The following USP13 variants were observed in gnomAD, a reference collection of about 807,000 sequenced individuals.
The protein encoded by USP13 is ubiquitin specific peptidase 13, also known as ubiquitin carboxyl-terminal hydrolase 13.
In USP13, 68 loss-of-function variants were observed where a neutral mutation model predicts 107.8. That is an observed-to-expected ratio of 0.63 (90% CI 0.52 to 0.77). The LOEUF (loss-of-function observed/expected upper bound fraction) is 0.77. Among genes scored for constraint, USP13 ranks in the 30% least tolerant of loss-of-function variants. The pLI is 0.00. For synonymous variants in USP13, 377 were observed against 389.5 expected, an observed-to-expected ratio of 0.97 and a Z score of 0.38; for missense variants, 945 against 1,093.3, an observed-to-expected ratio of 0.86 and a Z score of 1.91.
At chr3:179,662,849 T>G (rs918385092) in intron 1 of USP13, among the ~76,000 whole-genome samples, 1 of 152,186 alleles carries the variant, frequency 6.6e-6, no homozygotes, top group Non-Finnish European at 1.5e-5. Context: ...TTTCCTCCCC[T>G]GCATTCCTCT....
At chr3:179,732,110 A>G (rs79840119) in intron 10 of USP13, among the ~76,000 whole-genome samples, 6,380 of 152,190 alleles carry the variant, frequency 0.042, 385 homozygotes, top group African/African-American at 0.13. Flanking sequence ...CCAGGAGACC[A>G]GAGGGGTATG....
At position 179,788,535 on chromosome 3, in the gene USP13, G is replaced by A. The variant is rs562249712; in HGVS notation, c.*4394G>A. On this transcript the variant is annotated 3_prime_UTR_variant, in exon 21 of 21. Transcript: ENST00000263966. Reference sequence around the variant, plus strand: ...GATTTTGAAGGCTTGGTACCAAAAAGGAATTTAAAATATTTCACCAATATT... The same window carrying A: ...GATTTTGAAGGCTTGGTACCAAAAAAGAATTTAAAATATTTCACCAATATT... The A allele has an allele frequency of 3.9e-5, 6 of 152,138 alleles. No homozygotes were observed. The South Asian group carries it at 1.2e-3, about 32-fold the overall frequency. The allele number at this position is 152,138 out of a possible 1,614,324, so 9.4% of individuals were successfully genotyped here. A position where few individuals can be genotyped will look rare whatever the true frequency, so the allele number is the denominator to read the frequency against.
intron 8 of USP13, among the ~76,000 whole-genome samples, chr3:179,727,669 A>G (rs1253146815): frequency 3.7e-4 from 28 of 74,718 alleles, no homozygotes; most frequent in African/African-American, 1.1e-3. Context: ...CCCGTTCTCA[A>G]TGAGCTGTTG....
At chr3:179,774,557 C>T (rs1273521656) in intron 19 of USP13, among the ~76,000 whole-genome samples, 2 of 152,102 alleles carry the variant, frequency 1.3e-5, no homozygotes, top group Non-Finnish European at 2.9e-5. Flanking sequence ...CTCATTCCTC[C>T]CTGTGGGTTT....
At chr3:179,779,536 C>A (rs1247466200) in intron 19 of USP13, among the ~76,000 whole-genome samples, 1 of 151,640 alleles carries the variant, frequency 6.6e-6, no homozygotes, top group Non-Finnish European at 1.5e-5. Flanking sequence ...TGTCAAACAA[C>A]AACAACAAAA....
At chr3:179,755,944 T>C (rs537118233) in intron 15 of USP13, among the ~76,000 whole-genome samples, 15 of 152,268 alleles carry the variant, frequency 9.9e-5, no homozygotes, top group African/African-American at 3.1e-4. Flanking sequence ...CTGGGTCAAA[T>C]GCTAAATTAT....
At position 179,653,496 on chromosome 3, in the gene USP13, C is replaced by T. The variant is rs1576899592; in HGVS notation, c.168+103C>T. On this transcript the variant is annotated intron_variant, in intron 1 of 20. Coordinates refer to ENST00000263966, the MANE Select transcript of USP13 (RefSeq NM_003940.3). This position sits in a 1 kb window ranked among gnomAD's most constrained non-coding sequence, Gnocchi z 4.0. ...GGCGGCCGGGACCTCTTCTCTTCCT[C>T]CGGGCGGCAGAGTTGGCTCAGGAAC... is the stretch of plus-strand genomic sequence containing the variant. 27 of 1,454,546 alleles carry T rather than the reference C, an allele frequency of 1.9e-5. 1 individual carries two copies. The East Asian group carries it at 5.7e-4, about 31-fold the overall frequency. The allele number at this position is 1,454,546 out of a possible 1,614,324, so 90.1% of individuals were successfully genotyped here. A position where few individuals can be genotyped will look rare whatever the true frequency, so the allele number is the denominator to read the frequency against.
chr3:179,772,358 CAT>C (rs1349609890), intron 19 of USP13, among the ~76,000 whole-genome samples: 4 of 152,352 alleles, frequency 2.6e-5, no homozygotes, highest in African/African-American at 9.6e-5. Context: ...ATGAAATTAA[CAT>C]GTGATTAGGC....
intron 19 of USP13, among the ~76,000 whole-genome samples, chr3:179,778,682 C>T (rs2108554161): frequency 6.6e-6 from 1 of 151,988 alleles, no homozygotes; most frequent in Admixed American, 6.5e-5. Flanking sequence ...AGGAGAATTG[C>T]TTGAATCCCG....
At chr3:179,671,714 T>C (rs1332926185) in intron 1 of USP13, among the ~76,000 whole-genome samples, 1 of 152,206 alleles carries the variant, frequency 6.6e-6, no homozygotes, top group Non-Finnish European at 1.5e-5. Context: ...TTTTTATAAT[T>C]ACAAGCAGCT....
rs1715838747 is a variant in USP13, at chr3:179,784,037, C to T, written c.2499-11C>T. ...ACTTAAATCCATCAAATGCTTCTGT[C>T]TTATTTTCAGATGGGTGATTTACAA... On this transcript the variant is annotated splice_polypyrimidine_tract_variant and intron_variant, in intron 20 of 20. Transcript: ENST00000263966. 6.2e-7 allele frequency: 1 copy of T among 1,603,428 alleles called. No homozygotes were observed. Among genetic ancestry groups the T allele is most frequent in the Non-Finnish European group, 8.5e-7 (1 of 1,176,736 alleles).
At chr3:179,670,865 T>G (rs1318548081) in intron 1 of USP13, among the ~76,000 whole-genome samples, 2 of 151,948 alleles carry the variant, frequency 1.3e-5, no homozygotes, top group Non-Finnish European at 2.9e-5. Context: ...GCCTGGCTAA[T>G]TTTTGTATTT....
intron 6 of USP13, among the ~76,000 whole-genome samples, chr3:179,714,396 G>A (rs1424036640): frequency 6.6e-6 from 1 of 152,172 alleles, no homozygotes; most frequent in Non-Finnish European, 1.5e-5. Flanking sequence ...TGTTAGTTTT[G>A]GCCTGGCCTC....
chr3:179,743,450 T>A (rs1444685755), intron 12 of USP13, among the ~76,000 whole-genome samples: 1 of 151,118 alleles, frequency 6.6e-6, no homozygotes, highest in Non-Finnish European at 1.5e-5. Flanking sequence ...TGCTCTTTCT[T>A]GTGTGTGGGG....
At chr3:179,689,916 A>G (rs921801819) in intron 2 of USP13, among the ~76,000 whole-genome samples, 1 of 152,144 alleles carries the variant, frequency 6.6e-6, no homozygotes, top group East Asian at 1.9e-4. Flanking sequence ...GAGTTTTTCA[A>G]TGTCAGGCCT....
intron 15 of USP13, 147 bp downstream of exon 15, chr3:179,755,001 A>T: frequency 5.7e-6 from 6 of 1,060,400 alleles, no homozygotes; most frequent in Non-Finnish European, 7.9e-6. Flanking sequence ...CCACCGACAC[A>T]GGAGGGAGGC....
chr3:179,694,321 TAG>T (rs1308985601), intron 3 of USP13, among the ~76,000 whole-genome samples: 1 of 152,084 alleles, frequency 6.6e-6, no homozygotes, highest in African/African-American at 2.4e-5. Flanking sequence ...TGCTGTCATG[TAG>T]AGGATGTTGG....
chr3:179,691,617 T>G (rs1238077681), intron 3 of USP13, among the ~76,000 whole-genome samples: 2 of 152,212 alleles, frequency 1.3e-5, no homozygotes, highest in Non-Finnish European at 2.9e-5. Context: ...GCTGGGTTTC[T>G]TCACTGTAAA....
rs761850869 is a variant in USP13 at position 179,721,494 on chromosome 3, T to C, written c.993T>C (p.Tyr331=). The C allele has an allele frequency of 9.3e-6, 15 of 1,614,170 alleles. 1 individual carries two copies. In the South Asian group the frequency reaches 1.6e-4, roughly 18 times the overall value. ...QESGTKLKPM[Y]GPGYTGLKNL... ...CGGGCACGAAACTGAAGCCAATGTA[T>C]GGTCCTGGCTACACGGGTCTGAAGA... Residue 331 remains tyrosine, a synonymous_variant, in exon 8 of 21, where the codon TAT becomes TAC. Transcript: ENST00000263966. The surrounding 1 kb of genome is among the most constrained non-coding windows in gnomAD (Gnocchi z 4.3).
Sources: gnomAD v4.1 joint callset for allele counts (sites outside exome capture counted in the v4.1 genomes callset) on GRCh38, gnomAD v4.1.1 for gene constraint, Gnocchi (gnomAD v3.1) non-coding constraint, MANE v1.5 for transcripts, NCBI Gene and HGNC (gene_info 2026-07-23, HGNC 2026-07-21) for gene names.